Variants in ABCA1 observed in about 807,000 individuals in gnomAD.
ABCA1 encodes phospholipid-transporting ATPase ABCA1.
In ABCA1, 133 loss-of-function variants were observed where a neutral mutation model predicts 262.5. The observed-to-expected ratio is 0.51, with a 90% CI of 0.44 to 0.59. ABCA1 has a LOEUF of 0.59. Ranked by LOEUF, ABCA1 falls within the 20% of genes least tolerant of loss-of-function variation. The probability of loss-of-function intolerance (pLI) is 0.00; values close to 1 mark genes in which losing one functional copy is unlikely to be tolerated. For missense variants in ABCA1, 2,452 were observed against 2,777.5 expected, an observed-to-expected ratio of 0.88 and a Z score of 2.63; for synonymous variants, 1,022 against 1,043.5, an observed-to-expected ratio of 0.98 and a Z score of 0.40.
At chr9:104,890,705 C>A (rs1839654341) in intron 2 of ABCA1, among the ~76,000 whole-genome samples, 1 of 151,864 alleles carries the variant, frequency 6.6e-6, no homozygotes, top group African/African-American at 2.4e-5. Context: ...TTCAAGTGAT[C>A]CTCTCCCCTA....
chr9:104,791,880 G>T, intron 43 of ABCA1, 56 bp downstream of exon 43: 1 of 1,551,040 alleles, frequency 6.4e-7, no homozygotes, highest in Non-Finnish European at 8.9e-7. Context: ...TGCTTGATTG[G>T]GTAGAGATAG....
chr9:104,860,755 CTTTT>C (rs762423202), intron 6 of ABCA1, among the ~76,000 whole-genome samples: 3 of 115,858 alleles, frequency 2.6e-5, no homozygotes, highest in African/African-American at 3.5e-5. Flanking sequence ...TTATAAAATT[CTTTT>C]TTTTTTTTTT....
In ABCA1 at chr9:104,883,113, C is replaced by T. The variant is rs201992557; in HGVS notation, c.347G>A (p.Ser116Asn). The change falls in exon 5 of 50, where the codon AGC becomes AAC. Residue 116 changes from serine to asparagine, a missense_variant. Ser to Asn is a conservative substitution (Grantham distance 46). Transcript: ENST00000374736. ...GTCCTTCATGCTGGTGTCTTTCTGG[C>T]TGTATAAAAGAAGCCTCCGAGCATC... ...FSDARRLLLY[S>N]QKDTSMKDMR... 6.2e-7 allele frequency: 1 copy of T among 1,613,666 alleles called. No individual in the cohort carries two copies. Among genetic ancestry groups the T allele is most frequent in the African/African-American group, 1.3e-5 (1 of 74,604 alleles).
In ABCA1 at chr9:104,831,221, C is replaced by CT. The variant is rs745417929; in HGVS notation, c.1716-121dup. On this transcript the variant is annotated intron_variant, in intron 13 of 49. Coordinates refer to ENST00000374736, the MANE Select transcript of ABCA1 (RefSeq NM_005502.4). Reference sequence around the variant, plus strand: ...CAAGCCCCTTTTTCTATTTTTGTATCTTTTTTTTTTTTTGAGATGGAGTTT... The same window carrying CT: ...CAAGCCCCTTTTTCTATTTTTGTATCTTTTTTTTTTTTTTGAGATGGAGTTT... 51,917 of 709,554 alleles carry CT rather than the reference C, an allele frequency of 0.073. 154 individuals carry two copies. The highest frequency in any genetic ancestry group is 0.1 in the African/African-American group (5,184 of 50,024). The allele number at this position is 709,554 out of a possible 1,614,324, so 44.0% of individuals were successfully genotyped here.
At chr9:104,915,568 G>C (rs1435584670) in intron 1 of ABCA1, among the ~76,000 whole-genome samples, 1 of 152,174 alleles carries the variant, frequency 6.6e-6, no homozygotes, top group Non-Finnish European at 1.5e-5. Context: ...TGAGGTCTGA[G>C]AGGATCCTAC....
intron 15 of ABCA1, among the ~76,000 whole-genome samples, chr9:104,828,206 G>A (rs1832963248): frequency 6.6e-6 from 1 of 152,180 alleles, no homozygotes; most frequent in Non-Finnish European, 1.5e-5. Context: ...CACAGCAGCA[G>A]AGAGCCATGT....
rs190518096 is a variant in ABCA1, at chr9:104,845,685, C to A, written c.721-116G>T. The A allele has an allele frequency of 1.4e-5, 10 of 732,430 alleles. No individual in the cohort carries two copies. In the East Asian group the frequency reaches 2.2e-4, roughly 16 times the overall value. 45.4% of individuals were successfully genotyped at this position (732,430 alleles called of 1,614,324 possible). A position where few individuals can be genotyped will look rare whatever the true frequency, so the allele number is the denominator to read the frequency against. On this transcript the variant is annotated intron_variant, in intron 7 of 49. Transcript: ENST00000374736. ...ATCTTGAGTTTAACAAACAAGAAACCGACTCCTAACCAAAACTAAAGACAC... is the reference window on the plus strand; with the variant it reads ...ATCTTGAGTTTAACAAACAAGAAACAGACTCCTAACCAAAACTAAAGACAC...
chr9:104,853,730 G>A (rs1835585509), intron 7 of ABCA1, among the ~76,000 whole-genome samples: 1 of 152,166 alleles, frequency 6.6e-6, no homozygotes, highest in Non-Finnish European at 1.5e-5. Context: ...AATAGGTGAT[G>A]CTTATTATGC....
chr9:104,853,244 G>GA (rs1363955268), intron 7 of ABCA1, among the ~76,000 whole-genome samples: 2 of 152,144 alleles, frequency 1.3e-5, no homozygotes, highest in Non-Finnish European at 2.9e-5. Context: ...TTGAGATGGA[G>GA]ATAAATCTGC....
chr9:104,893,895 TAGATTTATAATACTTAC>T (rs1282161023), intron 2 of ABCA1, among the ~76,000 whole-genome samples: 2 of 152,204 alleles, frequency 1.3e-5, no homozygotes, highest in African/African-American at 2.4e-5. Flanking sequence ...TCACAGCTTG[TAGATTTATAATACTTAC>T]AGCCAATATT....
intron 47 of ABCA1, 31 bp from the exon 48 acceptor site, chr9:104,786,421 T>C (rs1828936340): frequency 1.3e-6 from 2 of 1,583,214 alleles, no homozygotes; most frequent in South Asian, 2.2e-5. Context: ...GTTTTAGTTT[T>C]AGAGAGATTC....
intron 1 of ABCA1, among the ~76,000 whole-genome samples, chr9:104,909,339 A>T (rs1252831038): frequency 1.3e-5 from 2 of 152,112 alleles, no homozygotes; most frequent in Non-Finnish European, 2.9e-5. Flanking sequence ...ACAGACAAAT[A>T]ATAGTGGGTT....
In ABCA1 at chr9:104,828,907, C is replaced by T; in HGVS notation, c.2115+9G>A. ...TCCTGGCAGGGAAGAGCGAGTGAGG[C>T]TGCCTTACCTTCAGGATGACCACTA... On this transcript the variant is annotated intron_variant, in intron 15 of 49. Coordinates refer to ENST00000374736, the MANE Select transcript of ABCA1 (RefSeq NM_005502.4). The T allele has an allele frequency of 6.2e-7, 1 of 1,613,832 alleles. No homozygotes were observed. The highest frequency in any genetic ancestry group is 8.5e-7 in the Non-Finnish European group (1 of 1,179,852).
Position 104,921,196 on chromosome 9 carries a change from C to T in ABCA1, c.-93+6739G>A, listed in dbSNP as rs946841557. 1.3e-5 allele frequency among the ~76,000 whole-genome samples: 2 copies of T among 152,088 alleles called. 1 individual carries two copies. Among genetic ancestry groups the T allele is most frequent in the Non-Finnish European group, 2.9e-5 (2 of 68,014 alleles). On this transcript the variant is annotated intron_variant, in intron 1 of 49. Coordinates refer to ENST00000374736, the MANE Select transcript of ABCA1 (RefSeq NM_005502.4). ...CCTGGGAAATATCATAAACTAAATA[C>T]CAGCTATCACAAAATATCTGGACTT...
chr9:104,927,376 A>G (rs1348092382), intron 1 of ABCA1, among the ~76,000 whole-genome samples: 2 of 152,026 alleles, frequency 1.3e-5, no homozygotes, highest in African/African-American at 2.4e-5. Flanking sequence ...CGTTTGGGAC[A>G]CCTCCAACTC....
intron 1 of ABCA1, among the ~76,000 whole-genome samples, chr9:104,904,858 CT>C (rs1840981256): frequency 6.6e-6 from 1 of 152,176 alleles, no homozygotes; most frequent in African/African-American, 2.4e-5. Context: ...CACCGCCCCC[CT>C]ACTCCGTTGG....
intron 21 of ABCA1, 75 bp from the exon 22 acceptor site, chr9:104,819,798 C>T (rs553437149): frequency 1.2e-6 from 2 of 1,612,166 alleles, no homozygotes; most frequent in South Asian, 1.1e-5. Flanking sequence ...CCTAGGGGCA[C>T]AGCCAGGGAC....
chr9:104,914,253 G>T (rs1472415586), intron 1 of ABCA1, among the ~76,000 whole-genome samples: 3 of 151,562 alleles, frequency 2.0e-5, no homozygotes, highest in Non-Finnish European at 2.9e-5. Context: ...TGAGGCAGGT[G>T]ATCACCTGAG....
intron 27 of ABCA1, 111 bp from the exon 28 acceptor site, chr9:104,812,833 TAG>T: frequency 7.1e-7 from 1 of 1,412,940 alleles, no homozygotes; most frequent in Middle Eastern, 1.8e-4. Flanking sequence ...TGTCTGAAGC[TAG>T]AAGTTTCTCA....
Sources: gnomAD v4.1 joint callset for allele counts (sites outside exome capture counted in the v4.1 genomes callset) on GRCh38, gnomAD v4.1.1 for gene constraint, MANE v1.5 for transcripts, NCBI Gene and HGNC (gene_info 2026-07-23, HGNC 2026-07-21) for gene names.